The following PTPN13 variants were observed in gnomAD, a reference collection of about 807,000 sequenced individuals.
PTPN13 encodes protein tyrosine phosphatase non-receptor type 13, also known as tyrosine-protein phosphatase non-receptor type 13.
In PTPN13, 191 loss-of-function variants were observed where a neutral mutation model predicts 284.0. That is an observed-to-expected ratio of 0.67 (90% CI 0.60 to 0.76). The LOEUF (loss-of-function observed/expected upper bound fraction) is 0.76. Ranked by LOEUF, PTPN13 falls within the 30% of genes least tolerant of loss-of-function variation. PTPN13 has a pLI of 0.00. For missense variants in PTPN13, 2,797 were observed against 2,939.9 expected, an observed-to-expected ratio of 0.95 and a Z score of 1.12; for synonymous variants, 986 against 1,022.3, an observed-to-expected ratio of 0.96 and a Z score of 0.68.
rs1744201348 is a variant in PTPN13, at chr4:86,802,943, G to A, written c.6506-766G>A. Among the ~76,000 whole-genome samples, 4 of 151,988 alleles carry A rather than the reference G, an allele frequency of 2.6e-5. No individual in the cohort carries two copies. In the South Asian group the frequency reaches 8.3e-4, roughly 32 times the overall value. ...CAAAAAATTACCCAGGCGTGGTGGTGCTTACCTGTAGTCACAGCTACCAGG... is the reference window on the plus strand; with the variant it reads ...CAAAAAATTACCCAGGCGTGGTGGTACTTACCTGTAGTCACAGCTACCAGG... On this transcript the variant is annotated intron_variant, in intron 42 of 47. Transcript: ENST00000411767.
intron 37 of PTPN13, among the ~76,000 whole-genome samples, chr4:86,782,758 A>G (rs906081675): frequency 2.0e-5 from 3 of 152,220 alleles, no homozygotes. Context: ...TTACCAAATG[A>G]TTAAATGAGA....
At chr4:86,643,474 G>C (rs1724054212) in intron 2 of PTPN13, among the ~76,000 whole-genome samples, 1 of 152,056 alleles carries the variant, frequency 6.6e-6, no homozygotes, top group Non-Finnish European at 1.5e-5. Context: ...TCCTAAAAAA[G>C]TGCCTAAAAA....
chr4:86,689,289 A>G (rs964002592), intron 5 of PTPN13, 99 bp downstream of exon 5: 1 of 935,004 alleles, frequency 1.1e-6, no homozygotes, highest in African/African-American at 1.7e-5. Flanking sequence ...CATTTTCTCA[A>G]TGAAGACTAG....
chr4:86,772,718 A>G, intron 31 of PTPN13, 60 bp from the exon 32 acceptor site: 2 of 1,375,700 alleles, frequency 1.5e-6, no homozygotes, highest in Middle Eastern at 1.9e-4. Flanking sequence ...TTCTGGCACA[A>G]ACTAACCATA....
chr4:86,622,428 G>A (rs1001552864), intron 1 of PTPN13, among the ~76,000 whole-genome samples: 1 of 152,014 alleles, frequency 6.6e-6, no homozygotes, highest in Non-Finnish European at 1.5e-5. Context: ...GTTAACGAAG[G>A]GTAGTAAAAC....
rs377398792 is a variant in PTPN13 at position 86,724,700 on chromosome 4, A to G, written c.1608+2266A>G. On this transcript the variant is annotated intron_variant, in intron 10 of 47. Coordinates refer to ENST00000411767, the MANE Select transcript of PTPN13 (RefSeq NM_080683.3). ...TTGAATTAATATTCTTTCCCACAGC[A>G]TAAATGTTTAGGATTTTTTTTTCTT... Among the ~76,000 whole-genome samples, 3 of 152,216 alleles carry G rather than the reference A, an allele frequency of 2.0e-5. No individual in the cohort carries two copies. In the South Asian group the frequency reaches 6.2e-4, roughly 32 times the overall value.
At chr4:86,698,271 G>A (rs192750201) in intron 6 of PTPN13, among the ~76,000 whole-genome samples, 4 of 152,276 alleles carry the variant, frequency 2.6e-5, no homozygotes, top group Admixed American at 2.0e-4. Context: ...AATCAGTTGA[G>A]TAATTGGGCC....
rs1744820295 is a variant in PTPN13 at position 86,807,865 on chromosome 4, G to A, written c.7051G>A (p.Val2351Met). The A allele has an allele frequency of 6.2e-7, 1 of 1,613,756 alleles. No homozygotes were observed. The highest frequency in any genetic ancestry group is 1.1e-5 in the South Asian group (1 of 91,044). Reference sequence around the variant, plus strand: ...GAGAATGCAGCAGCTGAAGGGCTTTGTGGTGAGGGCAATGACCCTTGAAGA... The same window carrying A: ...GAGAATGCAGCAGCTGAAGGGCTTTATGGTGAGGGCAATGACCCTTGAAGA... ...LVRMQQLKGF[V>M]VRAMTLEDIQ... Residue 2351 changes from valine to methionine, a missense_variant, in exon 45 of 48, where the codon GTG (valine) becomes ATG (methionine). By Grantham distance (21) the Val-to-Met change is conservative (BLOSUM62 1). Transcript: ENST00000411767.
chr4:86,728,643 C>CTTTTTT (rs57773658), intron 10 of PTPN13, among the ~76,000 whole-genome samples: 6 of 24,500 alleles, frequency 2.4e-4, no homozygotes, highest in African/African-American at 4.5e-4. Flanking sequence ...CAACCCCTGC[C>CTTTTTT]TTTTTTTTTT....
At chr4:86,683,763 T>C (rs1729151367) in intron 3 of PTPN13, among the ~76,000 whole-genome samples, 1 of 152,228 alleles carries the variant, frequency 6.6e-6, no homozygotes, top group Admixed American at 6.5e-5. Flanking sequence ...TATTAACATA[T>C]AGTAACTCAC....
intron 2 of PTPN13, among the ~76,000 whole-genome samples, chr4:86,667,300 A>C (rs765011403): frequency 2.0e-5 from 3 of 152,248 alleles, no homozygotes; most frequent in Non-Finnish European, 4.4e-5. Context: ...TAAAGAGACT[A>C]TGATTATCAA....
At chr4:86,792,766 A>G (rs569719907) in intron 40 of PTPN13, among the ~76,000 whole-genome samples, 2 of 152,342 alleles carry the variant, frequency 1.3e-5, no homozygotes, top group East Asian at 1.9e-4. Flanking sequence ...ACTAAGCTTC[A>G]TAAGTGAAGG....
chr4:86,646,304 T>C (rs2148783741), intron 2 of PTPN13, among the ~76,000 whole-genome samples: 1 of 151,170 alleles, frequency 6.6e-6, no homozygotes, highest in East Asian at 1.9e-4. Context: ...TTTTTTTTTT[T>C]TTTTTTTTTT....
rs779143351 is a variant in PTPN13, at chr4:86,814,440, CT to C, written c.7363-9del. On this transcript the variant is annotated splice_polypyrimidine_tract_variant and intron_variant, in intron 47 of 47. Transcript: ENST00000411767. ...TATACATCTAAAGTATTCTATCTCA[CT>C]TTTTTTGGCCATAGGATCAATATAT... is the stretch of plus-strand genomic sequence containing the variant. The C allele has an allele frequency of 3.9e-6, 6 of 1,548,004 alleles. No individual in the cohort carries two copies. Among genetic ancestry groups the C allele is most frequent in the Non-Finnish European group, 5.3e-6 (6 of 1,122,366 alleles).
chr4:86,716,251 AAAG>A (rs779719766), intron 7 of PTPN13, among the ~76,000 whole-genome samples: 10 of 152,190 alleles, frequency 6.6e-5, no homozygotes, highest in Admixed American at 1.3e-4. Context: ...GGCTGAATTA[AAAG>A]AAGAGTCATG....
intron 1 of PTPN13, among the ~76,000 whole-genome samples, chr4:86,623,166 G>A (rs1475239064): frequency 1.3e-5 from 2 of 152,234 alleles, no homozygotes; most frequent in East Asian, 1.9e-4. Context: ...AAAACCTCCC[G>A]GGGGTCTGCT....
rs528435129 is a variant in PTPN13, at chr4:86,693,174, C to A, written c.547-413C>A. Among the ~76,000 whole-genome samples, 6 of 149,860 alleles carry A rather than the reference C, an allele frequency of 4.0e-5. No individual in the cohort carries two copies. The East Asian group carries it at 1.2e-3, about 30-fold the overall frequency. ...TGAAAGTAATTTAAATTCCTCAATT[C>A]ATAGTTATAATCAAGAGAAAGCTTT... On this transcript the variant is annotated intron_variant, in intron 5 of 47. Coordinates refer to ENST00000411767, the MANE Select transcript of PTPN13 (RefSeq NM_080683.3).
chr4:86,768,106 T>G (rs1013962969), intron 28 of PTPN13, 130 bp downstream of exon 28: 3 of 804,132 alleles, frequency 3.7e-6, no homozygotes, highest in Non-Finnish European at 5.8e-6. Flanking sequence ...CAAATAATAA[T>G]CTGACATCAC....
At chr4:86,678,832 T>C (rs1418505301) in intron 3 of PTPN13, among the ~76,000 whole-genome samples, 2 of 152,232 alleles carry the variant, frequency 1.3e-5, no homozygotes, top group East Asian at 1.9e-4. Context: ...TAGCTTTCAC[T>C]GCTTCCACCT....
Sources: allele counts gnomAD v4.1 joint callset (sites outside exome capture counted in the v4.1 genomes callset), GRCh38; gene constraint gnomAD v4.1.1; transcripts MANE v1.5; gene names NCBI Gene and HGNC (gene_info 2026-07-23, HGNC 2026-07-21).